PPFIA2: variants seen among roughly 807,000 people sequenced by gnomAD.
PPFIA2 encodes liprin-alpha-2.
PPFIA2 carries 46 observed loss-of-function variants against 175.5 expected under a neutral mutation model. That is an observed-to-expected ratio of 0.26 (90% CI 0.21 to 0.34). The LOEUF (loss-of-function observed/expected upper bound fraction) is 0.34, where lower values mean the gene tolerates loss of function less well. Ranked by LOEUF, PPFIA2 falls within the 10% of genes least tolerant of loss-of-function variation. The pLI is 1.00. For synonymous variants in PPFIA2, 568 were observed against 511.4 expected (o/e 1.11, Z -1.49); for missense variants, 1,179 against 1,506.1 (o/e 0.78, Z 3.60).
intron 4 of PPFIA2, among the ~76,000 whole-genome samples, chr12:81,585,911 C>T (rs1595302265): frequency 6.6e-6 from 1 of 151,830 alleles, no homozygotes; most frequent in Admixed American, 6.6e-5. Context: ...ACTAGCATCA[C>T]CACCAGCATG....
At chr12:81,314,071 C>G (rs930630277) in intron 22 of PPFIA2, among the ~76,000 whole-genome samples, 4 of 151,662 alleles carry the variant, frequency 2.6e-5, no homozygotes, top group South Asian at 2.1e-4. Context: ...TCTTCTCTTC[C>G]ATAGTAAATA....
At chr12:81,712,168 T>A (rs1388320623) in intron 3 of PPFIA2, among the ~76,000 whole-genome samples, 1 of 151,372 alleles carries the variant, frequency 6.6e-6, no homozygotes, top group Non-Finnish European at 1.5e-5. Context: ...ATTAATTCAA[T>A]AACTACTATG....
chr12:81,443,608 C>A (rs1219417891), intron 6 of PPFIA2, among the ~76,000 whole-genome samples: 1 of 152,018 alleles, frequency 6.6e-6, no homozygotes, highest in Non-Finnish European at 1.5e-5. Flanking sequence ...GATAAAGAAT[C>A]ATTCTTTTGT....
chr12:81,476,285 G>A (rs1445407487), intron 4 of PPFIA2, among the ~76,000 whole-genome samples: 1 of 152,144 alleles, frequency 6.6e-6, no homozygotes, highest in Non-Finnish European at 1.5e-5. Context: ...ATTTAGTCTA[G>A]GTTTTTGTAG....
intron 4 of PPFIA2, among the ~76,000 whole-genome samples, chr12:81,570,070 T>G (rs2072201248): frequency 6.6e-6 from 1 of 152,174 alleles, no homozygotes; most frequent in Admixed American, 6.5e-5. Flanking sequence ...AAGTGTTCAC[T>G]CTTTTCCCTT....
chr12:81,677,760 G>A (rs980025176), intron 3 of PPFIA2, among the ~76,000 whole-genome samples: 4 of 151,830 alleles, frequency 2.6e-5, no homozygotes, highest in Non-Finnish European at 5.9e-5. Flanking sequence ...AACCACAGAA[G>A]GTCATGCTTG....
At chr12:81,411,010 C>T (rs548405844) in intron 7 of PPFIA2, among the ~76,000 whole-genome samples, 21 of 152,144 alleles carry the variant, frequency 1.4e-4, no homozygotes, top group Non-Finnish European at 2.9e-4. Context: ...TTTTGTGCCC[C>T]AACTCATTTG....
chr12:81,294,633 C>A, intron 24 of PPFIA2: 4 of 594,660 alleles, frequency 6.7e-6, no homozygotes, highest in Non-Finnish European at 1.2e-5. Context: ...GCTATGCTAG[C>A]TTTCACGTCT....
intron 16 of PPFIA2, among the ~76,000 whole-genome samples, chr12:81,355,663 C>T (rs954958131): frequency 1.3e-5 from 2 of 152,216 alleles, no homozygotes; most frequent in African/African-American, 4.8e-5. Context: ...GCCCTTGTTG[C>T]TTCACCTTGC....
chr12:81,474,437 A>G (rs760286292), intron 4 of PPFIA2, among the ~76,000 whole-genome samples: 5 of 152,114 alleles, frequency 3.3e-5, no homozygotes, highest in Admixed American at 6.6e-5. Flanking sequence ...GATTACAGGC[A>G]TGCACCACCA....
intron 8 of PPFIA2, among the ~76,000 whole-genome samples, chr12:81,390,871 A>C (rs572992758): frequency 1.3e-5 from 2 of 151,848 alleles, no homozygotes; most frequent in South Asian, 4.2e-4. Flanking sequence ...AGAAGGTCAT[A>C]AAGATTTTCA....
At chr12:81,611,861 T>C (rs571196368) in intron 4 of PPFIA2, among the ~76,000 whole-genome samples, 2 of 152,198 alleles carry the variant, frequency 1.3e-5, no homozygotes, top group South Asian at 2.1e-4. Flanking sequence ...CACATGTCCA[T>C]AGGGGATGCA....
At chr12:81,361,663 T>G (rs1452019779) in intron 15 of PPFIA2, among the ~76,000 whole-genome samples, 1 of 151,684 alleles carries the variant, frequency 6.6e-6, no homozygotes, top group East Asian at 1.9e-4. Flanking sequence ...ATTCATTTAT[T>G]CATTCTATAA....
At chr12:81,613,634 A>C (rs1052318671) in intron 4 of PPFIA2, among the ~76,000 whole-genome samples, 1 of 152,160 alleles carries the variant, frequency 6.6e-6, no homozygotes, top group African/African-American at 2.4e-5. Context: ...GGATTTTTTA[A>C]ATCTACAAGC....
At position 81,754,030 on chromosome 12, in the gene PPFIA2, C is replaced by A; in HGVS notation, c.192G>T (p.Gln64His). The A allele has an allele frequency of 6.2e-7, 1 of 1,613,884 alleles. No individual in the cohort carries two copies. Among genetic ancestry groups the A allele is most frequent in the South Asian group, 1.1e-5 (1 of 91,040 alleles). ...ESLSLAQQRLQDVIYDRDSLQ... is the reference protein window; with the variant it reads ...ESLSLAQQRLHDVIYDRDSLQ... The stretch of plus-strand genomic sequence containing the variant: ...GTGAGTCTCGGTCATAGATGACATC[C>A]TGAAGTCTTTGCTGGGCAAGTGAGA... Residue 64 changes from glutamine (Q) to histidine (H), a missense_variant, in exon 3 of 33, where the codon CAG becomes CAT. Coordinates refer to ENST00000549396, the MANE Select transcript of PPFIA2 (RefSeq NM_003625.5).
At chr12:81,543,941 A>G (rs567917580) in intron 4 of PPFIA2, among the ~76,000 whole-genome samples, 6 of 152,310 alleles carry the variant, frequency 3.9e-5, no homozygotes, top group South Asian at 2.1e-4. Flanking sequence ...AAAACTGTCA[A>G]GGTCATCAAA....
chr12:81,478,140 G>A (rs955484231), intron 4 of PPFIA2, among the ~76,000 whole-genome samples: 38 of 152,142 alleles, frequency 2.5e-4, no homozygotes, highest in African/African-American at 8.9e-4. Context: ...AGTCTTCGGA[G>A]GGTGTATATG....
chr12:81,350,676 T>C (rs929209805), intron 17 of PPFIA2, among the ~76,000 whole-genome samples: 1 of 152,080 alleles, frequency 6.6e-6, no homozygotes, highest in African/African-American at 2.4e-5. Flanking sequence ...CTAAGAACAA[T>C]TGAATGGTTA....
chr12:81,604,572 A>C, intron 4 of PPFIA2, among the ~76,000 whole-genome samples: 1 of 148,266 alleles, frequency 6.7e-6, no homozygotes, highest in East Asian at 2.0e-4. Context: ...CTTTCAATTT[A>C]TCATAAAACT....
Sources: allele counts gnomAD v4.1 joint callset (sites outside exome capture counted in the v4.1 genomes callset), GRCh38; gene constraint gnomAD v4.1.1; transcripts MANE v1.5; gene names NCBI Gene and HGNC (gene_info 2026-07-23, HGNC 2026-07-21).